Variants in GPR35 observed in about 807,000 individuals in gnomAD.
GPR35 encodes G protein-coupled receptor 35, also known as KYNA receptor.
For missense variants in GPR35, 372 were observed against 422.5 expected, an observed-to-expected ratio of 0.88 and a Z score of 1.05; for synonymous variants, 207 against 198.4, an observed-to-expected ratio of 1.04 and a Z score of -0.36.
At chr2:240,622,863 C>T (rs71428445), upstream of GPR35, among the ~76,000 whole-genome samples, 27,321 of 152,234 alleles carry the variant, frequency 0.18, 2,712 homozygotes, top group South Asian at 0.25. Flanking sequence ...CGGAGGGCCC[C>T]GGGCAGTGCC....
chr2:240,628,409 C>G (rs1231267620), intron 1 of GPR35: 1 of 152,230 alleles, frequency 6.6e-6, no homozygotes, highest in Non-Finnish European at 1.5e-5. Flanking sequence ...GCGTGCAGCA[C>G]TTTGCACTCG....
chr2:240,609,042 C>A (rs967921799), intron 2 of GPR35, among the ~76,000 whole-genome samples: 12 of 152,190 alleles, frequency 7.9e-5, no homozygotes, highest in East Asian at 5.8e-4. Context: ...TTGTATTATT[C>A]TTCTGATGTC....
intron 2 of GPR35, among the ~76,000 whole-genome samples, chr2:240,609,537 G>C (rs984992100): frequency 1.3e-5 from 2 of 152,114 alleles, no homozygotes; most frequent in Non-Finnish European, 2.9e-5. Context: ...ATACCTTGTT[G>C]CTATTGATTT....
At position 240,630,012 on chromosome 2, in the gene GPR35, G is replaced by A; in HGVS notation, c.60G>A (p.Lys20=). The A allele has an allele frequency of 6.2e-7, 1 of 1,612,668 alleles. No homozygotes were observed. ...ACCTCACCTGGCCCCCAGCGATCAAGCTGGGCTTCTACGCCTACTTGGGCG... is the reference window on the plus strand; with the variant it reads ...ACCTCACCTGGCCCCCAGCGATCAAACTGGGCTTCTACGCCTACTTGGGCG... ...SSDLTWPPAI[K]LGFYAYLGVL... is the part of the protein sequence containing the mutation. The change falls in exon 2 of 2, where the codon AAG becomes AAA. Residue 20 remains lysine (K), a synonymous_variant. Transcript: ENST00000407714.
At chr2:240,607,537 G>A (rs1575458530) in intron 2 of GPR35, 1 of 152,114 alleles carries the variant, frequency 6.6e-6, no homozygotes, top group Non-Finnish European at 1.5e-5. Context: ...GCAATATTTT[G>A]TAACTTCAAG....
chr2:240,612,867 C>T (rs1435931678), intron 2 of GPR35, among the ~76,000 whole-genome samples: 1 of 152,228 alleles, frequency 6.6e-6, no homozygotes, highest in Non-Finnish European at 1.5e-5. Context: ...CCTGCAGGGC[C>T]TCCTGGTGAT....
At chr2:240,629,745 A>T (rs538764611) in intron 1 of GPR35, 6 of 501,186 alleles carry the variant, frequency 1.2e-5, no homozygotes, top group African/African-American at 7.6e-5. Flanking sequence ...AGATGGGAAG[A>T]GGATCTGTCC....
At chr2:240,616,343 T>G in intron 2 of GPR35, 1 of 738,294 alleles carries the variant, frequency 1.4e-6, no homozygotes, top group Non-Finnish European at 2.5e-6. Context: ...CCTGTTGGGT[T>G]CTTAGTTGGC....
chr2:240,616,656 C>T (rs1419338949), intron 3 of GPR35: 1 of 667,398 alleles, frequency 1.5e-6, no homozygotes, highest in African/African-American at 1.8e-5. Context: ...AAGAGACCCC[C>T]CAGTGGGTGA....
chr2:240,623,321 C>CAT (rs2043321731), upstream of GPR35, among the ~76,000 whole-genome samples: 2 of 137,330 alleles, frequency 1.5e-5, no homozygotes, highest in Admixed American at 7.6e-5. Flanking sequence ...GCAAACAGGT[C>CAT]GTGAGGGCGC....
intron 2 of GPR35, among the ~76,000 whole-genome samples, chr2:240,611,400 C>T (rs924305832): frequency 6.6e-5 from 10 of 152,202 alleles, no homozygotes; most frequent in Non-Finnish European, 1.5e-4. Context: ...CTCATTTTCC[C>T]TCCTCTTTTT....
At chr2:240,620,135 C>T (rs1390842550) in intron 5 of GPR35, among the ~76,000 whole-genome samples, 1 of 152,210 alleles carries the variant, frequency 6.6e-6, no homozygotes, top group Non-Finnish European at 1.5e-5. Flanking sequence ...ACCCAAGGCC[C>T]ACCCCGAGGC....
In GPR35 at chr2:240,631,262, G is replaced by T; in HGVS notation, c.*380G>T. ...CTCCCCACCCAGAGTCAGTCCTAGT[G>T]GGGCCCTCTGTGTTTCGCACTCGTG... On this transcript the variant is annotated 3_prime_UTR_variant, in exon 2 of 2. Coordinates refer to ENST00000407714, the MANE Select transcript of GPR35 (RefSeq NM_005301.5). 1 of 265,694 alleles carries T rather than the reference G, an allele frequency of 3.8e-6. No homozygotes were observed. The allele number at this position is 265,694 out of a possible 1,614,324, so 16.5% of individuals were successfully genotyped here.
chr2:240,629,858 A>T (rs531748897), intron 1 of GPR35, 91 bp from the exon 2 acceptor site: 24 of 1,148,946 alleles, frequency 2.1e-5, no homozygotes, highest in Non-Finnish European at 3.0e-5. Context: ...ACCTCCTCCC[A>T]CATCCCTGCC....
At chr2:240,609,906 C>T (rs2043166643) in intron 2 of GPR35, among the ~76,000 whole-genome samples, 1 of 151,936 alleles carries the variant, frequency 6.6e-6, no homozygotes, top group Non-Finnish European at 1.5e-5. Context: ...TAGGTACATA[C>T]ACATTTAGAA....
chr2:240,621,680 A>T (rs980829512), upstream of GPR35, among the ~76,000 whole-genome samples: 1 of 134,618 alleles, frequency 7.4e-6, no homozygotes, highest in Non-Finnish European at 1.5e-5. Context: ...CGTGGGTCTC[A>T]CTCAGGAAGG....
Position 240,630,969 on chromosome 2 carries a change from G to A in GPR35, c.*87G>A, listed in dbSNP as rs945382496. 27 of 1,187,264 alleles carry A rather than the reference G, an allele frequency of 2.3e-5. No homozygotes were observed. The highest frequency in any genetic ancestry group is 2.7e-5 in the Non-Finnish European group (22 of 820,040). 73.5% of individuals were successfully genotyped at this position (1,187,264 alleles called of 1,614,324 possible). ...GGGAAGCTGGAACCAGTAGCAAGGA[G>A]CCCGAGATCAGCCCTGAACTCACTG... is the stretch of plus-strand genomic sequence containing the variant. On this transcript the variant is annotated 3_prime_UTR_variant, in exon 2 of 2. Coordinates refer to ENST00000407714, the MANE Select transcript of GPR35 (RefSeq NM_005301.5).
chr2:240,614,467 C>T (rs1559433884), intron 2 of GPR35, among the ~76,000 whole-genome samples: 1 of 152,248 alleles, frequency 6.6e-6, no homozygotes, highest in Non-Finnish European at 1.5e-5. Flanking sequence ...CTTGAGCCAG[C>T]CCCTGGCCCC....
chr2:240,621,765 T>C (rs116422979), upstream of GPR35, among the ~76,000 whole-genome samples: 1,014 of 152,318 alleles, frequency 6.7e-3, 10 homozygotes, highest in African/African-American at 0.022. Flanking sequence ...CAGGGTGTCG[T>C]CAGAAAGCAA....
Sources: allele counts gnomAD v4.1 joint callset (sites outside exome capture counted in the v4.1 genomes callset), GRCh38; gene constraint gnomAD v4.1.1; transcripts MANE v1.5; gene names NCBI Gene and HGNC (gene_info 2026-07-23, HGNC 2026-07-21).